The following GPSM1 variants were observed in gnomAD, a reference collection of about 807,000 sequenced individuals.
GPSM1 encodes G protein signaling modulator 1.
GPSM1 carries 48 observed loss-of-function variants against 70.5 expected under a neutral mutation model. That is an observed-to-expected ratio of 0.68 (90% confidence interval 0.54 to 0.87). The LOEUF is 0.87. Ranked by LOEUF, GPSM1 falls within the 40% of genes least tolerant of loss-of-function variation. GPSM1 has a pLI of 0.00. For synonymous variants in GPSM1, 416 were observed against 430.1 expected (o/e 0.97, Z 0.41); for missense variants, 981 against 972.6 (o/e 1.01, Z -0.11).
At chr9:136,329,352 TG>T (rs1193797238) in intron 1 of GPSM1, among the ~76,000 whole-genome samples, 1 of 152,232 alleles carries the variant, frequency 6.6e-6, no homozygotes, top group East Asian at 1.9e-4. Flanking sequence ...AGGCGGTTCC[TG>T]GTCGGAGCTG....
intron 10 of GPSM1, among the ~76,000 whole-genome samples, chr9:136,349,156 A>G (rs1331991799): frequency 1.3e-5 from 2 of 152,216 alleles, no homozygotes; most frequent in Non-Finnish European, 2.9e-5. Context: ...ACCCACACAG[A>G]CAGATTCGGG....
In GPSM1 at chr9:136,347,833, A is replaced by T. The variant is rs1322554458; in HGVS notation, c.1208-864A>T. Among the ~76,000 whole-genome samples the T allele has an allele frequency of 3.3e-5, 5 of 151,858 alleles. No individual in the cohort carries two copies. In the East Asian group the frequency reaches 9.7e-4, roughly 30 times the overall value. On this transcript the variant is annotated intron_variant, in intron 9 of 13. Transcript: ENST00000440944. The stretch of plus-strand genomic sequence containing the variant: ...GAGCGGCTGGGCTGAGGTAGGGCCC[A>T]CTCTCCCAAACTCCCAAATCCTTTC...
intron 13 of GPSM1, among the ~76,000 whole-genome samples, chr9:136,357,162 A>G (rs782521216): frequency 6.6e-6 from 1 of 152,226 alleles, no homozygotes; most frequent in Non-Finnish European, 1.5e-5. Context: ...GCCAACTGCT[A>G]TCCCAACTAG....
At chr9:136,328,495 G>T (rs1366935788) in intron 1 of GPSM1, among the ~76,000 whole-genome samples, 3 of 152,356 alleles carry the variant, frequency 2.0e-5, no homozygotes, top group African/African-American at 7.2e-5. Context: ...GTCAGAGGCA[G>T]GCCTGGCTCC....
At chr9:136,338,028 GT>G (rs782449334) in intron 6 of GPSM1, 67 bp downstream of exon 6, 52 of 1,025,882 alleles carry the variant, frequency 5.1e-5, no homozygotes, top group Non-Finnish European at 7.6e-5. Flanking sequence ...GGCCAAGGAA[GT>G]GCCCGCCCCA....
chr9:136,337,056 G>T lies in GPSM1; in HGVS notation c.562G>T (p.Ala188Ser). 1 of 1,551,606 alleles carries T rather than the reference G, an allele frequency of 6.4e-7. No individual in the cohort carries two copies. Among genetic ancestry groups the T allele is most frequent in the Non-Finnish European group, 8.7e-7 (1 of 1,147,648 alleles). ...CGATGTCCGAGAGACCCTGTGCAAG[G>T]CCTCCGAGTTCTACGAGTGAGTGGG... ...PPDVRETLCK[A>S]SEFYERNLSL... Residue 188 changes from alanine to serine, a missense_variant, in exon 4 of 14, where the codon GCC becomes TCC. Transcript: ENST00000440944.
At chr9:136,344,187 C>CG (rs1233649839) in intron 9 of GPSM1, among the ~76,000 whole-genome samples, 3 of 49,072 alleles carry the variant, frequency 6.1e-5, no homozygotes, top group African/African-American at 1.6e-4. Flanking sequence ...CGGACAGGAG[C>CG]GGGGGGAGGC....
rs1291216322 is a variant in GPSM1, at chr9:136,340,534, G to C, written c.1084-336G>C. ...GGAGGGTCCCCCACAGAGCCTCGGC[G>C]CACAAGGCAGGGGCTGAGAGAGGTG... On this transcript the variant is annotated intron_variant, in intron 8 of 13. Transcript: ENST00000440944. The surrounding 1 kb of genome is among the most constrained non-coding windows in gnomAD (Gnocchi z 7.3). Among the ~76,000 whole-genome samples the C allele has an allele frequency of 6.6e-6, 1 of 152,022 alleles. No individual in the cohort carries two copies. The highest frequency in any genetic ancestry group is 1.5e-5 in the Non-Finnish European group (1 of 67,998).
intron 9 of GPSM1, among the ~76,000 whole-genome samples, chr9:136,346,267 G>A (rs1445138728): frequency 1.3e-5 from 2 of 152,244 alleles, no homozygotes; most frequent in Non-Finnish European, 2.9e-5. Context: ...CTCTCATGAA[G>A]CTGTAGGCAT....
In GPSM1 at chr9:136,359,480, T is replaced by C. The variant is rs1479416205; in HGVS notation, c.*1260T>C. The C allele has an allele frequency of 6.6e-6, 1 of 152,312 alleles. No individual in the cohort carries two copies. Among genetic ancestry groups the C allele is most frequent in the East Asian group, 1.9e-4 (1 of 5,312 alleles). The allele number at this position is 152,312 out of a possible 1,614,324, so 9.4% of individuals were successfully genotyped here. A position where few individuals can be genotyped will look rare whatever the true frequency, so the allele number is the denominator to read the frequency against. On this transcript the variant is annotated 3_prime_UTR_variant, in exon 14 of 14. Coordinates refer to ENST00000440944, the MANE Select transcript of GPSM1 (RefSeq NM_001145638.3). ...CTCCAGGACGTAGCGCCCCCCCGCA[T>C]ACTTGAATGTATGTGCGTATTTATT...
chr9:136,355,940 G>A lies in GPSM1; in HGVS notation c.1612+94G>A, dbSNP rs1832807237. 6 of 1,083,338 alleles carry A rather than the reference G, an allele frequency of 5.5e-6. No homozygotes were observed. In the Admixed American group the frequency reaches 1.3e-4, roughly 23 times the overall value. The allele number at this position is 1,083,338 out of a possible 1,614,324, so 67.1% of individuals were successfully genotyped here. ...CTGCTTCCAGTGAGGAGTTTTCGGG[G>A]GCAGACCAGCAGGCCAGCTGCAGAG... On this transcript the variant is annotated intron_variant, in intron 12 of 13. Coordinates refer to ENST00000440944, the MANE Select transcript of GPSM1 (RefSeq NM_001145638.3).
chr9:136,350,912 A>G (rs28646237), intron 11 of GPSM1, among the ~76,000 whole-genome samples: 65,727 of 151,808 alleles, frequency 0.43, 14,324 homozygotes, highest in African/African-American at 0.45. Flanking sequence ...GTGGGGGGAC[A>G]GGTGACAGGC....
At chr9:136,354,166 C>T (rs782669946) in intron 11 of GPSM1, among the ~76,000 whole-genome samples, 1 of 152,208 alleles carries the variant, frequency 6.6e-6, no homozygotes, top group African/African-American at 2.4e-5. Context: ...CAGGTGGGGT[C>T]TCTCCTAAAA....
intron 9 of GPSM1, among the ~76,000 whole-genome samples, chr9:136,345,447 C>T (rs1398351791): frequency 2.0e-5 from 3 of 152,266 alleles, no homozygotes; most frequent in East Asian, 3.9e-4. Flanking sequence ...CCAGGCGCAG[C>T]GGGCCTTCCG....
intron 1 of GPSM1, among the ~76,000 whole-genome samples, chr9:136,328,194 A>G (rs1284037741): frequency 2.0e-5 from 3 of 152,228 alleles, no homozygotes; most frequent in Non-Finnish European, 4.4e-5. Context: ...GCTGGGTTGG[A>G]AGGGAGCCAG....
At chr9:136,334,391 C>G (rs1029720496) in intron 1 of GPSM1, 56 bp from the exon 2 acceptor site, 2 of 1,380,886 alleles carry the variant, frequency 1.4e-6, no homozygotes, top group Admixed American at 1.8e-5. Context: ...GGAGGTGCTC[C>G]GGCCCCGGGG....
chr9:136,346,389 C>T (rs1832523555), intron 9 of GPSM1, among the ~76,000 whole-genome samples: 1 of 152,216 alleles, frequency 6.6e-6, no homozygotes, highest in Non-Finnish European at 1.5e-5. Context: ...CGTTTAGGAG[C>T]TCACCATTTA....
intron 9 of GPSM1, among the ~76,000 whole-genome samples, chr9:136,345,145 G>T (rs1406630080): frequency 6.6e-6 from 1 of 152,198 alleles, no homozygotes; most frequent in Admixed American, 6.5e-5. Context: ...GGCGGGTGCT[G>T]CCCTGAGGGG....
chr9:136,340,741 G>T lies in GPSM1; in HGVS notation c.1084-129G>T. On this transcript the variant is annotated intron_variant, in intron 8 of 13. Coordinates refer to ENST00000440944, the MANE Select transcript of GPSM1 (RefSeq NM_001145638.3). The surrounding 1 kb of genome is among the most constrained non-coding windows in gnomAD (Gnocchi z 7.3). ...AGTCCTGGTTCCCTCAGAGGCCCAG[G>T]GGTCAGTGACCAGTTCAGGTCACTC... 3.1e-6 allele frequency: 4 copies of T among 1,297,052 alleles called. No individual in the cohort carries two copies. Among genetic ancestry groups the T allele is most frequent in the Non-Finnish European group, 4.1e-6 (4 of 973,312 alleles). 80.3% of individuals were successfully genotyped at this position (1,297,052 alleles called of 1,614,324 possible). A position where few individuals can be genotyped will look rare whatever the true frequency, so the allele number is the denominator to read the frequency against.
Sources: allele counts gnomAD v4.1 joint callset (sites outside exome capture counted in the v4.1 genomes callset), GRCh38; gene constraint gnomAD v4.1.1; non-coding constraint Gnocchi (gnomAD v3.1); transcripts MANE v1.5; gene names NCBI Gene and HGNC (gene_info 2026-07-23, HGNC 2026-07-21).